The following TBC1D5 variants were observed in gnomAD, a reference collection of about 807,000 sequenced individuals.
TBC1D5 encodes the protein TBC1 domain family member 5, also known as TBC1 domain family, member 5.
In TBC1D5, 75 loss-of-function variants were observed where a neutral mutation model predicts 100.3. The ratio of observed to expected loss-of-function variants is 0.75; its 90% CI spans 0.62 to 0.91. The LOEUF is 0.91. TBC1D5 is among the 40% of genes least tolerant of loss of function. The probability of loss-of-function intolerance (pLI) is 0.00; values close to 1 mark genes in which losing one functional copy is unlikely to be tolerated. For missense variants in TBC1D5, 910 were observed against 942.4 expected, an observed-to-expected ratio of 0.97 and a Z score of 0.45; for synonymous variants, 323 against 325.6, an observed-to-expected ratio of 0.99 and a Z score of 0.09.
At chr3:17,415,946 T>C (rs1225424733) in intron 4 of TBC1D5, among the ~76,000 whole-genome samples, 3 of 152,156 alleles carry the variant, frequency 2.0e-5, no homozygotes, top group Non-Finnish European at 4.4e-5. Context: ...TGCCTCACAG[T>C]CTGCAAATAT....
At chr3:17,381,698 A>C (rs539452446) in intron 9 of TBC1D5, among the ~76,000 whole-genome samples, 1 of 152,142 alleles carries the variant, frequency 6.6e-6, no homozygotes, top group Non-Finnish European at 1.5e-5. Context: ...GTTTGTTTTT[A>C]GTCTTTCGAC....
At position 17,675,216 on chromosome 3, in the gene TBC1D5, AC is replaced by A. The variant is rs1404271690; in HGVS notation, c.-100-51304del. On this transcript the variant is annotated intron_variant, in intron 1 of 21. Transcript: ENST00000253692. ...GTTACAGATAACTCAGACTATGGCT[AC>A]CAAGACAGATTATTAAAAATAAAAT... Among the ~76,000 whole-genome samples the A allele has an allele frequency of 1.1e-3, 161 of 152,230 alleles. 1 individual carries two copies. The highest frequency in any genetic ancestry group is 3.8e-3 in the African/African-American group (156 of 41,574).
chr3:17,201,158 T>C (rs2071413563), intron 18 of TBC1D5, among the ~76,000 whole-genome samples: 1 of 152,190 alleles, frequency 6.6e-6, no homozygotes, highest in African/African-American at 2.4e-5. Context: ...TCCCTCTTCA[T>C]TAACTTAGGG....
intron 1 of TBC1D5, among the ~76,000 whole-genome samples, chr3:17,738,401 A>ACTCT (rs371022003): frequency 2.7e-5 from 4 of 149,496 alleles, no homozygotes; most frequent in African/African-American, 9.8e-5. Context: ...ACACACACAC[A>ACTCT]CTCTCTCTCT....
At chr3:17,706,117 C>G (rs2074123162) in intron 1 of TBC1D5, 9 of 1,605,914 alleles carry the variant, frequency 5.6e-6, no homozygotes, top group Non-Finnish European at 7.6e-6. Flanking sequence ...AAGGTGAAGT[C>G]CAGCAAGTCG....
At chr3:17,597,021 G>C (rs979516270) in intron 2 of TBC1D5, among the ~76,000 whole-genome samples, 1 of 152,020 alleles carries the variant, frequency 6.6e-6, no homozygotes, top group African/African-American at 2.4e-5. Flanking sequence ...TTTCACCCAA[G>C]GTTAACAGAA....
Position 17,631,373 on chromosome 3 carries a change from C to G in TBC1D5, c.-100-7460G>C, listed in dbSNP as rs1198589841. The stretch of plus-strand genomic sequence containing the variant: ...GATTCCTACGGTTGAAAAAAAGAAG[C>G]CTTCTCTATAACATTAAAGTGCAAA... On this transcript the variant is annotated intron_variant, in intron 1 of 21. Coordinates refer to ENST00000253692, the Ensembl canonical transcript of TBC1D5. Among the ~76,000 whole-genome samples the G allele has an allele frequency of 2.6e-5, 4 of 152,126 alleles. No homozygotes were observed. The East Asian group carries it at 5.8e-4, about 22-fold the overall frequency.
intron 1 of TBC1D5, among the ~76,000 whole-genome samples, chr3:17,676,668 A>T (rs2068678074): frequency 6.6e-6 from 1 of 152,184 alleles, no homozygotes; most frequent in South Asian, 2.1e-4. Flanking sequence ...GTTCATATGG[A>T]ACCAAAAAAG....
At chr3:17,166,092 C>G (rs934154132) in intron 21 of TBC1D5, among the ~76,000 whole-genome samples, 3 of 152,032 alleles carry the variant, frequency 2.0e-5, no homozygotes, top group Non-Finnish European at 4.4e-5. Context: ...GGTCAGCAAA[C>G]TATGGCCAAA....
At chr3:17,485,076 C>G (rs1336665245) in intron 3 of TBC1D5, among the ~76,000 whole-genome samples, 1 of 151,984 alleles carries the variant, frequency 6.6e-6, no homozygotes, top group Non-Finnish European at 1.5e-5. Flanking sequence ...AACTATGATA[C>G]TATTATGCAT....
At chr3:17,498,370 T>C (rs2095742352) in intron 3 of TBC1D5, among the ~76,000 whole-genome samples, 1 of 152,286 alleles carries the variant, frequency 6.6e-6, no homozygotes, top group East Asian at 1.9e-4. Context: ...TTATTTTCAA[T>C]TCTCATAGAA....
At chr3:17,579,394 C>G (rs2096678285) in intron 2 of TBC1D5, among the ~76,000 whole-genome samples, 2 of 151,918 alleles carry the variant, frequency 1.3e-5, no homozygotes, top group Admixed American at 1.3e-4. Context: ...TCATATAATC[C>G]TCCCTTCCAA....
chr3:17,557,760 AT>A (rs556157739), intron 2 of TBC1D5, among the ~76,000 whole-genome samples: 6 of 152,198 alleles, frequency 3.9e-5, no homozygotes, highest in East Asian at 1.9e-4. Context: ...CCATAGGTAA[AT>A]TTTTTTTAAA....
At chr3:17,644,863 T>C (rs2064870242) in intron 1 of TBC1D5, among the ~76,000 whole-genome samples, 2 of 152,126 alleles carry the variant, frequency 1.3e-5, no homozygotes. Flanking sequence ...TCCTGGAAAC[T>C]AGTGCAAGAT....
intron 1 of TBC1D5, among the ~76,000 whole-genome samples, chr3:17,697,611 C>A (rs2072340163): frequency 6.6e-6 from 1 of 152,170 alleles, no homozygotes; most frequent in African/African-American, 2.4e-5. Flanking sequence ...AAAGAGGATA[C>A]AAACAAATGG....
At chr3:17,599,566 C>T (rs1277137228) in intron 2 of TBC1D5, among the ~76,000 whole-genome samples, 6 of 152,166 alleles carry the variant, frequency 3.9e-5, no homozygotes, top group African/African-American at 1.4e-4. Flanking sequence ...CGAACAAGAA[C>T]CCGGGTACAA....
chr3:17,698,742 C>A (rs1396197599), intron 1 of TBC1D5, among the ~76,000 whole-genome samples: 1 of 150,460 alleles, frequency 6.6e-6, no homozygotes, highest in Non-Finnish European at 1.5e-5. Flanking sequence ...AGGATATGAA[C>A]CGACACTTCT....
intron 2 of TBC1D5, among the ~76,000 whole-genome samples, chr3:17,545,560 G>A (rs181056194): frequency 8.1e-4 from 124 of 152,292 alleles, no homozygotes; most frequent in Non-Finnish European, 1.5e-3. Context: ...ATCAAGTCCT[G>A]AGACAACAAA....
At chr3:17,383,810 A>C in intron 9 of TBC1D5, 103 bp downstream of exon 9, 1 of 842,778 alleles carries the variant, frequency 1.2e-6, no homozygotes, top group Non-Finnish European at 1.8e-6. Flanking sequence ...GCATTATGAT[A>C]CAACTTTGGA....
Sources: gnomAD v4.1 joint callset for allele counts (sites outside exome capture counted in the v4.1 genomes callset) on GRCh38, gnomAD v4.1.1 for gene constraint, MANE v1.5 for transcripts, NCBI Gene and HGNC (gene_info 2026-07-23, HGNC 2026-07-21) for gene names.